KCNAB2: variants seen among roughly 807,000 people sequenced by gnomAD.
The protein encoded by KCNAB2 is voltage-gated potassium channel subunit beta-2.
KCNAB2 carries 29 observed loss-of-function variants against 63.6 expected under a neutral mutation model. The ratio of observed to expected loss-of-function variants is 0.46; its 90% confidence interval spans 0.34 to 0.62. KCNAB2 has a LOEUF of 0.62. Among genes scored for constraint, KCNAB2 ranks in the 20% least tolerant of loss-of-function variants. KCNAB2 has a pLI of 0.01. For missense variants in KCNAB2, 359 were observed against 563.9 expected, an observed-to-expected ratio of 0.64 and a Z score of 3.68; for synonymous variants, 222 against 224.2, an observed-to-expected ratio of 0.99 and a Z score of 0.09.
upstream of KCNAB2, among the ~76,000 whole-genome samples, chr1:6,044,056 G>T (rs182389003): frequency 6.6e-6 from 1 of 152,214 alleles, no homozygotes; most frequent in African/African-American, 2.4e-5. Context: ...GCAGAAACAT[G>T]CAGGGTCTCT....
intron 3 of KCNAB2, 41 bp downstream of exon 3, chr1:6,072,839 C>CT: frequency 6.2e-7 from 1 of 1,601,648 alleles, no homozygotes; most frequent in South Asian, 1.1e-5. Flanking sequence ...GGGAAACAGG[C>CT]TGTGGGGAGG....
Position 6,071,801 on chromosome 1 carries a change from C to A in KCNAB2, c.219-954C>A, listed in dbSNP as rs1663217608. On this transcript the variant is annotated intron_variant, in intron 2 of 15. Transcript: ENST00000378083. The surrounding 1 kb of genome is among the most constrained non-coding windows in gnomAD (Gnocchi z 8.5). ...TGGGCTCCTCCTGCCACATAGGGCA[C>A]CTCCTGCCGCGAGGGCACCTCCTGC... 1.3e-5 allele frequency among the ~76,000 whole-genome samples: 2 copies of A among 151,226 alleles called. No homozygotes were observed. The highest frequency in any genetic ancestry group is 4.2e-4 in the South Asian group (2 of 4,792).
chr1:6,075,485 G>T (rs189548356), intron 4 of KCNAB2, among the ~76,000 whole-genome samples: 1 of 152,368 alleles, frequency 6.6e-6, no homozygotes, highest in Admixed American at 6.5e-5. Flanking sequence ...AAAATAGATG[G>T]CAGTGTCAGG....
intron 15 of KCNAB2, 160 bp downstream of exon 15, chr1:6,097,517 C>T: frequency 7.9e-7 from 1 of 1,268,080 alleles, no homozygotes; most frequent in Non-Finnish European, 1.1e-6. Context: ...TGCTTTCCAG[C>T]AGGAACAGAC....
chr1:6,082,326 CG>C, intron 5 of KCNAB2, 52 bp downstream of exon 5: 1 of 1,405,016 alleles, frequency 7.1e-7, no homozygotes, highest in African/African-American at 1.4e-5. Flanking sequence ...TGGGCAGAGC[CG>C]GAGCTACAGG....
intron 5 of KCNAB2, among the ~76,000 whole-genome samples, chr1:6,084,149 C>T (rs1664446743): frequency 6.6e-6 from 1 of 152,230 alleles, no homozygotes; most frequent in Non-Finnish European, 1.5e-5. Flanking sequence ...TGGAATGTAG[C>T]ACAGAGTATG....
At chr1:6,091,176 C>A in intron 9 of KCNAB2, 87 bp from the exon 10 acceptor site, 2 of 939,258 alleles carry the variant, frequency 2.1e-6, no homozygotes, top group Non-Finnish European at 3.3e-6. Flanking sequence ...GTGATTTGTG[C>A]CTCCCCGCTG....
At chr1:6,006,579 C>T (rs866421793) in intron 1 of KCNAB2, among the ~76,000 whole-genome samples, 1 of 1,752 alleles carries the variant, frequency 5.7e-4, no homozygotes, top group Non-Finnish European at 1.3e-3. Context: ...CTCCCACATC[C>T]CCCCACTTCA....
chr1:6,056,117 T>C (rs1661801754), intron 2 of KCNAB2, among the ~76,000 whole-genome samples: 1 of 152,076 alleles, frequency 6.6e-6, no homozygotes, highest in Non-Finnish European at 1.5e-5. Context: ...CAATCTCAGC[T>C]CACTGCAACC....
chr1:6,000,994 G>T (rs1290484002), intron 1 of KCNAB2, among the ~76,000 whole-genome samples: 1 of 152,218 alleles, frequency 6.6e-6, no homozygotes, highest in African/African-American at 2.4e-5. Flanking sequence ...CGTCAGGAAA[G>T]GGGGAAGCAC....
rs1472248744 is a variant in KCNAB2, at chr1:6,035,650, G to GT, written c.-53+856_-53+857insT. 2.0e-5 allele frequency among the ~76,000 whole-genome samples: 3 copies of GT among 152,014 alleles called. No homozygotes were observed. The highest frequency in any genetic ancestry group is 4.4e-5 in the Non-Finnish European group (3 of 68,004). ...GGGAAGAACTGGGCTGGGGGTGAGG[G>GT]CAGTCGGGAGCTCAGTGTCTGACCC... On this transcript the variant is annotated intron_variant, in intron 1 of 15. Coordinates refer to the KCNAB2 transcript ENST00000164247. This position sits in a 1 kb window ranked among gnomAD's most constrained non-coding sequence, Gnocchi z 5.0.
chr1:6,008,185 G>T (rs1359015358), intron 1 of KCNAB2, among the ~76,000 whole-genome samples: 1 of 152,202 alleles, frequency 6.6e-6, no homozygotes, highest in Non-Finnish European at 1.5e-5. Context: ...GAGGCAGATG[G>T]TGAGCCAAGT....
At chr1:6,025,321 G>A (rs540605465) in intron 1 of KCNAB2, among the ~76,000 whole-genome samples, 9 of 152,250 alleles carry the variant, frequency 5.9e-5, no homozygotes, top group Admixed American at 1.3e-4. Context: ...ACTCAACACG[G>A]TGCAGGTGGC....
At chr1:6,091,873 C>T (rs995620172) in intron 10 of KCNAB2, among the ~76,000 whole-genome samples, 3 of 152,210 alleles carry the variant, frequency 2.0e-5, no homozygotes, top group East Asian at 1.9e-4. Context: ...GTTGCCAAAG[C>T]GCTCCATCAA....
At chr1:6,018,928 A>G (rs750053297) in intron 1 of KCNAB2, 1 of 152,230 alleles carries the variant, frequency 6.6e-6, no homozygotes, top group Non-Finnish European at 1.5e-5. Context: ...GGATGCTGAG[A>G]TTGGGAACTT....
intron 1 of KCNAB2, chr1:5,995,954 C>T (rs554220501): frequency 6.6e-6 from 1 of 152,388 alleles, no homozygotes; most frequent in African/African-American, 2.4e-5. Context: ...CCCAAGAGGC[C>T]CTGGAGGCCC....
chr1:6,067,746 A>G (rs1377297406), intron 2 of KCNAB2, among the ~76,000 whole-genome samples: 2 of 152,206 alleles, frequency 1.3e-5, no homozygotes, highest in African/African-American at 4.8e-5. Context: ...AGCTAAAATT[A>G]GAGCCAGGAG....
chr1:6,095,214 C>A, intron 11 of KCNAB2, 109 bp from the exon 12 acceptor site: 1 of 1,203,552 alleles, frequency 8.3e-7, no homozygotes, highest in African/African-American at 1.5e-5. Flanking sequence ...GCTGCAGCTG[C>A]TGGGCCAGCC....
intron 1 of KCNAB2, among the ~76,000 whole-genome samples, chr1:6,013,789 C>G (rs369725299): frequency 1.3e-5 from 2 of 152,000 alleles, no homozygotes; most frequent in South Asian, 2.1e-4. Context: ...AGACTCCTGA[C>G]GACACCCACC....
Sources: gnomAD v4.1 joint callset for allele counts (sites outside exome capture counted in the v4.1 genomes callset) on GRCh38, gnomAD v4.1.1 for gene constraint, Gnocchi (gnomAD v3.1) non-coding constraint, MANE v1.5 for transcripts, NCBI Gene and HGNC (gene_info 2026-07-23, HGNC 2026-07-21) for gene names.